C7orf33: variants seen among roughly 807,000 people sequenced by gnomAD.
The protein encoded by C7orf33 is uncharacterized protein C7orf33.
C7orf33 carries 15 observed loss-of-function variants against 13.4 expected under a neutral mutation model. The observed-to-expected ratio is 1.12, with a 90% CI of 0.75 to 1.72. C7orf33 has a LOEUF of 1.72. C7orf33 is among the 40% of genes most tolerant of loss of function. The probability of loss-of-function intolerance (pLI) is 0.00; values close to 1 mark genes in which losing one functional copy is unlikely to be tolerated. For missense variants in C7orf33, 187 were observed against 220.3 expected (o/e 0.85, Z 0.96); for synonymous variants, 73 against 83.2 (o/e 0.88, Z 0.67).
At chr7:148,599,777 A>G (rs1796392287) in intron 1 of C7orf33, among the ~76,000 whole-genome samples, 1 of 151,992 alleles carries the variant, frequency 6.6e-6, no homozygotes, top group Admixed American at 6.6e-5. Flanking sequence ...CCAGCCTAGA[A>G]TTCTCAGATT....
chr7:148,613,504 A>C (rs1409920609), intron 1 of C7orf33, among the ~76,000 whole-genome samples: 1 of 152,284 alleles, frequency 6.6e-6, no homozygotes, highest in Non-Finnish European at 1.5e-5. Flanking sequence ...TGAAGTTCCG[A>C]TTCATGCTAC....
intron 1 of C7orf33, among the ~76,000 whole-genome samples, chr7:148,598,009 T>C (rs1232592739): frequency 6.6e-6 from 1 of 152,140 alleles, no homozygotes; most frequent in Admixed American, 6.5e-5. Flanking sequence ...CCCGCCTTGG[T>C]CTCCAAAAGT....
At chr7:148,603,657 C>A (rs1179165995) in intron 1 of C7orf33, among the ~76,000 whole-genome samples, 2 of 152,116 alleles carry the variant, frequency 1.3e-5, no homozygotes, top group Non-Finnish European at 2.9e-5. Flanking sequence ...AATTATGGAT[C>A]CCACAGAAAC....
intron 2 of C7orf33, 94 bp downstream of exon 2, chr7:148,614,390 C>T: frequency 3.1e-6 from 4 of 1,307,692 alleles, no homozygotes; most frequent in Middle Eastern, 2.1e-4. Context: ...GGGATTGTTG[C>T]ATTCTTGCAT....
At position 148,594,490 on chromosome 7, in the gene C7orf33, A is replaced by G. The variant is rs140662708; in HGVS notation, c.204+3361A>G. Among the ~76,000 whole-genome samples, 641 of 152,214 alleles carry G rather than the reference A, an allele frequency of 4.2e-3. 5 individuals carry two copies. Among genetic ancestry groups the G allele is most frequent in the African/African-American group, 0.014 (584 of 41,536 alleles). On this transcript the variant is annotated intron_variant, in intron 1 of 2. Coordinates refer to ENST00000307003, the MANE Select transcript of C7orf33 (RefSeq NM_145304.4). ...CGCGCCCGACCAACCTCTTTTCTTT[A>G]TAAATTACCCAGCCTTAGGTATTTT...
chr7:148,598,849 C>CT (rs1400968861), intron 1 of C7orf33, among the ~76,000 whole-genome samples: 1 of 137,218 alleles, frequency 7.3e-6, no homozygotes, highest in African/African-American at 2.7e-5. Context: ...AATTATTTAT[C>CT]TTTTTTTAAT....
In C7orf33 at chr7:148,614,102, C is replaced by T. The variant is rs1411821314; in HGVS notation, c.265C>T (p.Pro89Ser). 1.2e-6 allele frequency: 2 copies of T among 1,614,086 alleles called. No homozygotes were observed. Among genetic ancestry groups the T allele is most frequent in the East Asian group, 4.5e-5 (2 of 44,896 alleles). Residue 89 changes from proline to serine, a missense_variant, in exon 2 of 3, where the codon CCC becomes TCC. Physicochemically the swap from Pro to Ser is moderately conservative, Grantham distance 74. Transcript: ENST00000307003. ...GMEFIAPVSAPTKSGAPWHFL... is the reference protein window; with the variant it reads ...GMEFIAPVSASTKSGAPWHFL... ...GGAATTTATTGCTCCTGTATCAGCT[C>T]CCACCAAATCTGGTGCCCCGTGGCA...
chr7:148,615,033 G>A (rs1388694040), intron 2 of C7orf33, among the ~76,000 whole-genome samples: 1 of 152,096 alleles, frequency 6.6e-6, no homozygotes, highest in Admixed American at 6.6e-5. Context: ...GGTAGAGATA[G>A]CGATTTTTTT....
intron 2 of C7orf33, among the ~76,000 whole-genome samples, chr7:148,614,803 G>A (rs1384794149): frequency 1.3e-5 from 2 of 152,124 alleles, no homozygotes; most frequent in Non-Finnish European, 2.9e-5. Context: ...TCCATCAATA[G>A]TAAGGATTTT....
chr7:148,592,985 C>T (rs1796286664), intron 1 of C7orf33, among the ~76,000 whole-genome samples: 1 of 151,940 alleles, frequency 6.6e-6, no homozygotes, highest in African/African-American at 2.4e-5. Flanking sequence ...GGATTACAGG[C>T]ACCCACCACC....
At chr7:148,596,159 A>G (rs1796336061) in intron 1 of C7orf33, among the ~76,000 whole-genome samples, 1 of 152,180 alleles carries the variant, frequency 6.6e-6, no homozygotes, top group Admixed American at 6.5e-5. Context: ...ATATTTTTAG[A>G]GCCATTTTAG....
chr7:148,597,523 A>T (rs945428034), intron 1 of C7orf33, among the ~76,000 whole-genome samples: 22 of 152,066 alleles, frequency 1.4e-4, no homozygotes, highest in African/African-American at 5.3e-4. Flanking sequence ...CTCAGGTGAT[A>T]CACCCACCTT....
chr7:148,597,068 G>A (rs1402215827), intron 1 of C7orf33, among the ~76,000 whole-genome samples: 1 of 151,928 alleles, frequency 6.6e-6, no homozygotes, highest in African/African-American at 2.4e-5. Flanking sequence ...ACCTACTGGA[G>A]GACATCTTGG....
At chr7:148,597,573 T>C (rs28622513) in intron 1 of C7orf33, among the ~76,000 whole-genome samples, 67,029 of 151,992 alleles carry the variant, frequency 0.44, 19,505 homozygotes, top group African/African-American at 0.82. Flanking sequence ...TGAGCCACTG[T>C]ACCCTGCCCA....
At chr7:148,610,751 CT>C (rs1796528049) in intron 1 of C7orf33, among the ~76,000 whole-genome samples, 1 of 152,048 alleles carries the variant, frequency 6.6e-6, no homozygotes, top group Non-Finnish European at 1.5e-5. Context: ...ACAAGCATTC[CT>C]GGGTAAAGGG....
chr7:148,604,020 G>T (rs112188300), intron 1 of C7orf33, among the ~76,000 whole-genome samples: 35 of 151,778 alleles, frequency 2.3e-4, no homozygotes, highest in African/African-American at 8.2e-4. Flanking sequence ...ATTTGATAAA[G>T]AAATTGTGAT....
At chr7:148,597,857 G>A (rs868304494) in intron 1 of C7orf33, among the ~76,000 whole-genome samples, 8 of 152,104 alleles carry the variant, frequency 5.3e-5, no homozygotes, top group African/African-American at 1.2e-4. Flanking sequence ...CCAGGTTCAC[G>A]CCATTCTCCT....
At chr7:148,591,173 G>C in intron 1 of C7orf33, 44 bp downstream of exon 1, 1 of 1,466,502 alleles carries the variant, frequency 6.8e-7, no homozygotes. Context: ...CTTTGAGTCA[G>C]TCAGTATCTC....
chr7:148,607,829 CTT>C (rs1292393676), intron 1 of C7orf33, among the ~76,000 whole-genome samples: 1 of 152,180 alleles, frequency 6.6e-6, no homozygotes, highest in Non-Finnish European at 1.5e-5. Flanking sequence ...CACTTATACT[CTT>C]TTGTATTCCT....
Sources: allele counts gnomAD v4.1 joint callset (sites outside exome capture counted in the v4.1 genomes callset), GRCh38; gene constraint gnomAD v4.1.1; transcripts MANE v1.5; gene names NCBI Gene and HGNC (gene_info 2026-07-23, HGNC 2026-07-21).